ERCC8: variants seen among roughly 807,000 people sequenced by gnomAD.
The protein encoded by ERCC8 is ERCC excision repair 8, CSA ubiquitin ligase complex subunit.
A neutral mutation model predicts 54.9 loss-of-function variants in ERCC8; 52 were observed. The ratio of observed to expected loss-of-function variants is 0.95; its 90% CI spans 0.76 to 1.19. The LOEUF (loss-of-function observed/expected upper bound fraction) is 1.19. Ranked by LOEUF, ERCC8 falls within the 50% of genes most tolerant of loss-of-function variation. The pLI is 0.00. For synonymous variants in ERCC8, 146 were observed against 157.2 expected (o/e 0.93, Z 0.53); for missense variants, 514 against 466.1 (o/e 1.10, Z -0.95).
intron 3 of ERCC8, among the ~76,000 whole-genome samples, chr5:60,921,036 A>G (rs1749585550): frequency 1.3e-5 from 2 of 151,930 alleles, no homozygotes; most frequent in African/African-American, 4.8e-5. Context: ...TCCTGTAAGT[A>G]CATTGCTTTT....
intron 1 of ERCC8, among the ~76,000 whole-genome samples, chr5:60,939,125 T>C (rs1561519778): frequency 1.3e-5 from 2 of 152,336 alleles, no homozygotes; most frequent in African/African-American, 2.4e-5. Flanking sequence ...CTTAATGTCA[T>C]GGTTTCTTCT....
chr5:60,934,262 T>C (rs1749999330), intron 1 of ERCC8, among the ~76,000 whole-genome samples: 1 of 152,244 alleles, frequency 6.6e-6, no homozygotes, highest in Non-Finnish European at 1.5e-5. Flanking sequence ...ATTTTGATTT[T>C]TTGATTATGG....
chr5:60,877,561 T>C (rs766601928), intron 11 of ERCC8, among the ~76,000 whole-genome samples: 2 of 152,318 alleles, frequency 1.3e-5, no homozygotes. Context: ...TGAGCAGTGG[T>C]TTGTAGATCT....
intron 2 of ERCC8, among the ~76,000 whole-genome samples, chr5:60,927,548 A>G (rs557590686): frequency 6.6e-5 from 10 of 152,308 alleles, no homozygotes; most frequent in Non-Finnish European, 1.5e-4. Flanking sequence ...TATAATCTGT[A>G]ACTTCCCATA....
chr5:60,916,160 G>A (rs1749429293), intron 4 of ERCC8, among the ~76,000 whole-genome samples: 1 of 152,026 alleles, frequency 6.6e-6, no homozygotes, highest in Non-Finnish European at 1.5e-5. Flanking sequence ...ACCAGTGCAA[G>A]ATGTTAGGCT....
rs1003959352 is a variant in ERCC8 at position 60,908,983 on chromosome 5, CAA to C, written c.400-4112_400-4111del. 2.0e-4 allele frequency among the ~76,000 whole-genome samples: 30 copies of C among 151,826 alleles called. 1 individual carries two copies. The Middle Eastern group carries it at 0.027, about 138-fold the overall frequency. ...AGACTCTAATATGACTTTTAAAAAG[CAA>C]AGTCAGTATAGTCATTATATGACAA... On this transcript the variant is annotated intron_variant, in intron 4 of 11. Transcript: ENST00000676185.
chr5:60,889,187 A>G (rs528941688), intron 10 of ERCC8, among the ~76,000 whole-genome samples: 66 of 152,336 alleles, frequency 4.3e-4, no homozygotes, highest in African/African-American at 1.5e-3. Flanking sequence ...GATGAAGGTG[A>G]TATGTGCCAG....
At position 60,874,577 on chromosome 5, in the gene ERCC8, A is replaced by G; in HGVS notation, c.*38T>C. 11 of 1,585,748 alleles carry G rather than the reference A, an allele frequency of 6.9e-6. No homozygotes were observed. The highest frequency in any genetic ancestry group is 9.5e-6 in the Non-Finnish European group (11 of 1,155,338). The stretch of plus-strand genomic sequence containing the variant: ...TGAAAAAAACACAGTCTCATTTAAA[A>G]AGTTTCAGCAGAGACAAAAAGGTAC... On this transcript the variant is annotated 3_prime_UTR_variant, in exon 12 of 12. Coordinates refer to ENST00000676185, the MANE Select transcript of ERCC8 (RefSeq NM_000082.4).
rs762701301 is a variant in ERCC8 at position 60,898,378 on chromosome 5, T to C, written c.741A>G (p.Lys247=). The C allele has an allele frequency of 6.6e-5, 107 of 1,613,504 alleles. No individual in the cohort carries two copies. The highest frequency in any genetic ancestry group is 8.5e-5 in the Non-Finnish European group (100 of 1,179,646). The change falls in exon 9 of 12, where the codon AAA becomes AAG. Residue 247 remains lysine (K), a synonymous_variant. Coordinates refer to ENST00000676185, the MANE Select transcript of ERCC8 (RefSeq NM_000082.4). ...CACTTGTAAAACATAAGCCATTAAC[T>C]TTCCCATTATGAGCAGTGTTTGCTG... ...VESANTAHNG[K]VNGLCFTSDG...
intron 1 of ERCC8, among the ~76,000 whole-genome samples, chr5:60,940,674 T>C (rs1225848781): frequency 6.6e-6 from 1 of 152,154 alleles, no homozygotes; most frequent in Non-Finnish European, 1.5e-5. Context: ...ATCACTCAGG[T>C]CACAGTCTGA....
At chr5:60,899,019 TTATA>T (rs993321934) in intron 8 of ERCC8, among the ~76,000 whole-genome samples, 2 of 147,280 alleles carry the variant, frequency 1.4e-5, no homozygotes, top group African/African-American at 5.0e-5. Flanking sequence ...TATGATTGTT[TTATA>T]TAGTTTTTAA....
intron 1 of ERCC8, among the ~76,000 whole-genome samples, chr5:60,935,156 C>T (rs552597903): frequency 4.5e-4 from 68 of 152,184 alleles, no homozygotes; most frequent in Non-Finnish European, 8.7e-4. Flanking sequence ...ATTGATTCTA[C>T]CCATCCAAAT....
rs1044355354 is a variant in ERCC8, at chr5:60,899,836, T to C, written c.618-109A>G. ...ACAGAGGTCTCGTTATATAGGTACA[T>C]ATGTATTCATACATTAGGGTTGTTG... On this transcript the variant is annotated intron_variant, in intron 7 of 11. Transcript: ENST00000676185. 2.0e-5 allele frequency: 16 copies of C among 785,602 alleles called. No homozygotes were observed. In the African/African-American group the frequency reaches 2.4e-4, roughly 12 times the overall value. 48.7% of individuals were successfully genotyped at this position (785,602 alleles called of 1,614,324 possible). A position where few individuals can be genotyped will look rare whatever the true frequency, so the allele number is the denominator to read the frequency against.
intron 3 of ERCC8, among the ~76,000 whole-genome samples, chr5:60,921,385 T>C (rs1749596055): frequency 6.6e-6 from 1 of 151,918 alleles, no homozygotes; most frequent in Non-Finnish European, 1.5e-5. Context: ...GGTCTGCTCA[T>C]TATCAGATTG....
intron 1 of ERCC8, among the ~76,000 whole-genome samples, chr5:60,940,233 T>C (rs1479516883): frequency 1.3e-5 from 2 of 152,220 alleles, no homozygotes; most frequent in African/African-American, 2.4e-5. Flanking sequence ...AGACAGCTAC[T>C]TGAGGACTCT....
intron 2 of ERCC8, 111 bp from the exon 3 acceptor site, chr5:60,922,266 G>C (rs1749623022): frequency 3.0e-6 from 2 of 659,308 alleles, no homozygotes; most frequent in East Asian, 5.7e-5. Flanking sequence ...ATGTATTAAG[G>C]ATACATTAAT....
At chr5:60,918,666 A>T in intron 3 of ERCC8, 1 of 412,230 alleles carries the variant, frequency 2.4e-6, no homozygotes, top group African/African-American at 2.0e-5. Context: ...GCATCAGCCA[A>T]CTACACTGGT....
At chr5:60,916,969 G>A (rs1279315079) in intron 4 of ERCC8, among the ~76,000 whole-genome samples, 2 of 152,008 alleles carry the variant, frequency 1.3e-5, no homozygotes, top group African/African-American at 4.8e-5. Context: ...ATATTATAAA[G>A]TAGTATGAGA....
At chr5:60,901,663 T>C (rs1420135393) in intron 7 of ERCC8, among the ~76,000 whole-genome samples, 1 of 151,992 alleles carries the variant, frequency 6.6e-6, no homozygotes, top group African/African-American at 2.4e-5. Flanking sequence ...GTGCTCTTCA[T>C]GTGCCAAACT....
Sources: gnomAD v4.1 joint callset for allele counts (sites outside exome capture counted in the v4.1 genomes callset) on GRCh38, gnomAD v4.1.1 for gene constraint, MANE v1.5 for transcripts, NCBI Gene and HGNC (gene_info 2026-07-23, HGNC 2026-07-21) for gene names.